The following INPP5K variants were observed in gnomAD, a reference collection of about 807,000 sequenced individuals.
INPP5K encodes the protein inositol polyphosphate-5-phosphatase K, also known as inositol polyphosphate 5-phosphatase K.
Under a neutral mutation model 53.5 loss-of-function variants are expected in INPP5K, and 35 were observed. That is an observed-to-expected ratio of 0.65 (90% CI 0.50 to 0.87). The LOEUF is 0.87. Among genes scored for constraint, INPP5K ranks in the 40% least tolerant of loss-of-function variants. INPP5K has a pLI of 0.00. For missense variants in INPP5K, 550 were observed against 586.2 expected, an observed-to-expected ratio of 0.94 and a Z score of 0.64; for synonymous variants, 253 against 232.8, an observed-to-expected ratio of 1.09 and a Z score of -0.79.
At chr17:1,506,055 G>A (rs775378325) in intron 7 of INPP5K, among the ~76,000 whole-genome samples, 3 of 152,110 alleles carry the variant, frequency 2.0e-5, no homozygotes, top group Non-Finnish European at 4.4e-5. Context: ...ACGGAGTCTC[G>A]CTCTGTCACC....
rs117934300 is a variant in INPP5K, at chr17:1,512,970, C to T, written c.261+483G>A. Among the ~76,000 whole-genome samples the T allele has an allele frequency of 3.8e-3, 580 of 152,306 alleles. 1 individual carries two copies. Among genetic ancestry groups the T allele is most frequent in the Middle Eastern group, 0.014 (4 of 294 alleles). On this transcript the variant is annotated intron_variant, in intron 3 of 11. Coordinates refer to ENST00000421807, the MANE Select transcript of INPP5K (RefSeq NM_016532.4). ...TCCAAATCCCAGATAGCGCATGTGG[C>T]TTCTGAGCCATGGTTTTCTCTGTAA...
In INPP5K at chr17:1,496,735, G is replaced by T. The variant is rs773250020; in HGVS notation, c.1032C>A (p.Asp344Glu). The change falls in exon 9 of 12, where the codon GAC (aspartate) becomes GAA (glutamate). Residue 344 changes from aspartate (D) to glutamate (E), a missense_variant. Coordinates refer to ENST00000421807, the MANE Select transcript of INPP5K (RefSeq NM_016532.4). Reference protein sequence around the residue: ...MPEDLWTVENDMMVSYSSTSD... With the variant: ...MPEDLWTVENEMMVSYSSTSD... ...AGGTTGAAGAGTAGCTGACCATCAT[G>T]TCATTTTCCACGGTCCACAGGTCCT... is the stretch of plus-strand genomic sequence containing the variant. 5.6e-6 allele frequency: 9 copies of T among 1,614,170 alleles called. No individual in the cohort carries two copies. The highest frequency in any genetic ancestry group is 1.6e-4 in the Middle Eastern group (1 of 6,062).
Position 1,508,097 on chromosome 17 carries a change from C to G in INPP5K, c.666+18G>C, listed in dbSNP as rs2075206890. The G allele has an allele frequency of 1.3e-6, 2 of 1,566,860 alleles. No homozygotes were observed. The highest frequency in any genetic ancestry group is 1.8e-6 in the Non-Finnish European group (2 of 1,136,984). ...GTGGGCTCAGATCACCCCCTGGGAC[C>G]CTCCCCTCACTGGATACCTGGTCCT... On this transcript the variant is annotated intron_variant, in intron 6 of 11. Coordinates refer to ENST00000421807, the MANE Select transcript of INPP5K (RefSeq NM_016532.4).
rs1184539820 is a variant in INPP5K at position 1,508,232 on chromosome 17, GAA to G, written c.555-8_555-7del. 5.0e-6 allele frequency: 8 copies of G among 1,603,640 alleles called. No individual in the cohort carries two copies. The highest frequency in any genetic ancestry group is 6.0e-6 in the Non-Finnish European group (7 of 1,170,934). On this transcript the variant is annotated splice_region_variant and splice_polypyrimidine_tract_variant and intron_variant, in intron 5 of 11. Coordinates refer to ENST00000421807, the MANE Select transcript of INPP5K (RefSeq NM_016532.4). The stretch of plus-strand genomic sequence containing the variant: ...CTCCAAACCAGATAATGAGGCTTCA[GAA>G]AAAAAGGAGGGCAGCCTGAGGATTT...
intron 7 of INPP5K, among the ~76,000 whole-genome samples, chr17:1,504,722 G>A (rs1247549528): frequency 4.6e-5 from 7 of 152,236 alleles, no homozygotes; most frequent in African/African-American, 1.7e-4. Flanking sequence ...AACTGATACA[G>A]GCAAAGCCTT....
chr17:1,509,632 C>G, intron 4 of INPP5K, 51 bp downstream of exon 4: 1 of 1,222,844 alleles, frequency 8.2e-7, no homozygotes, highest in Non-Finnish European at 1.2e-6. Context: ...CCCAGCTCCA[C>G]AGTTCCCAGC....
In INPP5K at chr17:1,495,145, G is replaced by A. The variant is rs921466149; in HGVS notation, c.*678C>T. The A allele has an allele frequency of 6.6e-6, 1 of 152,250 alleles. No individual in the cohort carries two copies. 9.4% of individuals were successfully genotyped at this position (152,250 alleles called of 1,614,324 possible). A position where few individuals can be genotyped will look rare whatever the true frequency, so the allele number is the denominator to read the frequency against. ...ACCTGGATCCTTCCCAGTTCTCTCT[G>A]TCAGGATCTGGAACTTCCATGCAGT... is the stretch of plus-strand genomic sequence containing the variant. On this transcript the variant is annotated 3_prime_UTR_variant, in exon 12 of 12. Coordinates refer to ENST00000421807, the MANE Select transcript of INPP5K (RefSeq NM_016532.4).
chr17:1,511,678 C>T (rs560054042), intron 3 of INPP5K, among the ~76,000 whole-genome samples: 39 of 152,258 alleles, frequency 2.6e-4, no homozygotes, highest in African/African-American at 8.7e-4. Flanking sequence ...CCCAAGCACA[C>T]GTGCCAACAG....
intron 3 of INPP5K, among the ~76,000 whole-genome samples, chr17:1,512,087 C>T (rs937027192): frequency 2.0e-5 from 3 of 152,178 alleles, no homozygotes; most frequent in Non-Finnish European, 4.4e-5. Flanking sequence ...CTCACCCATC[C>T]ACCCTGATTC....
chr17:1,500,109 G>A (rs1030897909), intron 7 of INPP5K, among the ~76,000 whole-genome samples: 9 of 152,158 alleles, frequency 5.9e-5, no homozygotes, highest in Middle Eastern at 3.2e-3. Context: ...CAGGGCACCC[G>A]GCTATTTTAG....
intron 7 of INPP5K, among the ~76,000 whole-genome samples, chr17:1,505,870 C>G (rs1383584752): frequency 6.6e-6 from 1 of 152,194 alleles, no homozygotes; most frequent in Non-Finnish European, 1.5e-5. Flanking sequence ...AGGGGCTCTT[C>G]TTTTCTTCAA....
intron 1 of INPP5K, among the ~76,000 whole-genome samples, chr17:1,514,694 C>T (rs2075391595): frequency 1.3e-5 from 2 of 152,118 alleles, no homozygotes; most frequent in African/African-American, 2.4e-5. Flanking sequence ...ATGGCTCAGT[C>T]GGCAACTTCT....
At chr17:1,508,789 C>G (rs1383653380) in intron 5 of INPP5K, among the ~76,000 whole-genome samples, 12 of 78,090 alleles carry the variant, frequency 1.5e-4, no homozygotes, top group Admixed American at 1.6e-4. Context: ...TGGCGGTCAG[C>G]TGGGGCAGAG....
intron 2 of INPP5K, 151 bp downstream of exon 2, chr17:1,513,721 G>A (rs2075364199): frequency 1.2e-6 from 1 of 859,164 alleles, no homozygotes; most frequent in Non-Finnish European, 1.9e-6. Context: ...TGCCGTTGCT[G>A]ACCCGGGACC....
At chr17:1,497,075 A>C (rs1384836668) in intron 8 of INPP5K, among the ~76,000 whole-genome samples, 1 of 152,214 alleles carries the variant, frequency 6.6e-6, no homozygotes, top group East Asian at 1.9e-4. Context: ...CACGGCTGAG[A>C]GGCTTAAGGA....
In INPP5K at chr17:1,509,335, T is replaced by G. The variant is rs1172831281; in HGVS notation, c.397A>C (p.Asn133His). ...TAGCCATAAAGCTTCAGGCAGATGT[T>G]GACTCCACCTTTGTTCCCCTGGTAG... is the stretch of plus-strand genomic sequence containing the variant. ...FGYWGNKGGV[N>H]ICLKLYGYYV... is the part of the protein sequence containing the mutation. Residue 133 changes from asparagine to histidine, a missense_variant, in exon 5 of 12, where the codon AAC becomes CAC. Transcript: ENST00000421807. 9 of 1,613,868 alleles carry G rather than the reference T, an allele frequency of 5.6e-6. No homozygotes were observed. Among genetic ancestry groups the G allele is most frequent in the Non-Finnish European group, 7.6e-6 (9 of 1,179,802 alleles).
intron 3 of INPP5K, among the ~76,000 whole-genome samples, chr17:1,512,359 T>G (rs1239829644): frequency 6.6e-6 from 1 of 152,114 alleles, no homozygotes; most frequent in African/African-American, 2.4e-5. Flanking sequence ...GAAGGAGGCC[T>G]CTGGGTTTGA....
At chr17:1,513,815 C>A in intron 2 of INPP5K, 57 bp downstream of exon 2, 1 of 1,366,768 alleles carries the variant, frequency 7.3e-7, no homozygotes, top group Non-Finnish European at 1.0e-6. Flanking sequence ...CACAGTGCTT[C>A]CCACAGGGAA....
chr17:1,516,071 G>A lies in INPP5K; in HGVS notation c.44+385C>T, dbSNP rs910402543. 6.2e-5 allele frequency: 68 copies of A among 1,104,190 alleles called. No homozygotes were observed. The East Asian group carries it at 1.6e-3, about 27-fold the overall frequency. The allele number at this position is 1,104,190 out of a possible 1,614,324, so 68.4% of individuals were successfully genotyped here. Reference sequence around the variant, plus strand: ...AGGATCTTATCTCAATCTGATTTCGGATTCCCGGGGTTCACCATGGGATCA... The same window carrying A: ...AGGATCTTATCTCAATCTGATTTCGAATTCCCGGGGTTCACCATGGGATCA... On this transcript the variant is annotated intron_variant, in intron 1 of 11. Coordinates refer to ENST00000421807, the MANE Select transcript of INPP5K (RefSeq NM_016532.4).
Sources: gnomAD v4.1 joint callset for allele counts (sites outside exome capture counted in the v4.1 genomes callset) on GRCh38, gnomAD v4.1.1 for gene constraint, MANE v1.5 for transcripts, NCBI Gene and HGNC (gene_info 2026-07-23, HGNC 2026-07-21) for gene names.